Variants in MEGF11 observed in about 807,000 individuals in gnomAD.
MEGF11 encodes multiple epidermal growth factor-like domains protein 11.
MEGF11 carries 126 observed loss-of-function variants against 146.6 expected under a neutral mutation model. That is an observed-to-expected ratio of 0.86 (90% CI 0.74 to 1.00). The LOEUF (loss-of-function observed/expected upper bound fraction) is 1.00, where lower values mean the gene tolerates loss of function less well. Among genes scored for constraint, MEGF11 ranks in the 50% least tolerant of loss-of-function variants. MEGF11 has a pLI of 0.00. For synonymous variants in MEGF11, 532 were observed against 583.4 expected, an observed-to-expected ratio of 0.91 and a Z score of 1.27; for missense variants, 1,509 against 1,521.2, an observed-to-expected ratio of 0.99 and a Z score of 0.13.
chr15:66,020,615 G>C (rs888306032), intron 5 of MEGF11, among the ~76,000 whole-genome samples: 9 of 152,320 alleles, frequency 5.9e-5, no homozygotes, highest in African/African-American at 1.9e-4. Context: ...ATGTCTGGGG[G>C]AAAGACTGGC....
Position 65,908,201 on chromosome 15 carries a change from G to C in MEGF11, c.2998+833C>G, listed in dbSNP as rs557884377. Reference sequence around the variant, plus strand: ...TGAATTCAGAACATTCACCCTTCCTGGTATTACTGGACCCAGGGACCTGCA... The same window carrying C: ...TGAATTCAGAACATTCACCCTTCCTCGTATTACTGGACCCAGGGACCTGCA... On this transcript the variant is annotated intron_variant, in intron 23 of 25. Transcript: ENST00000395614. Among the ~76,000 whole-genome samples the C allele has an allele frequency of 2.6e-5, 4 of 152,254 alleles. No homozygotes were observed. The East Asian group carries it at 7.7e-4, about 29-fold the overall frequency.
Position 66,141,287 on chromosome 15 carries a change from T to TGA in MEGF11, c.-8-12877_-8-12876insTC, listed in dbSNP as rs1339943663. Among the ~76,000 whole-genome samples, 538 of 98,832 alleles carry TGA rather than the reference T, an allele frequency of 5.4e-3. 3 individuals carry two copies. Among genetic ancestry groups the TGA allele is most frequent in the Middle Eastern group, 0.01 (2 of 194 alleles). 64.8% of individuals were successfully genotyped at this position (98,832 alleles called of 152,430 possible). On this transcript the variant is annotated intron_variant, in intron 1 of 25. Coordinates refer to ENST00000395614, the MANE Select transcript of MEGF11 (RefSeq NM_001385028.1). ...GTGTGTGTGTGTGTGTGTGTGTGTG[T>TGA]GTGAGAGAGAGAGAGAGAGAGACAG...
intron 5 of MEGF11, among the ~76,000 whole-genome samples, chr15:66,057,311 G>T (rs1395650203): frequency 6.6e-6 from 1 of 152,190 alleles, no homozygotes; most frequent in Non-Finnish European, 1.5e-5. Flanking sequence ...CGCTTGAAGG[G>T]CAGAGGGCAG....
At chr15:65,972,575 G>C (rs1466601795) in intron 7 of MEGF11, among the ~76,000 whole-genome samples, 1 of 151,884 alleles carries the variant, frequency 6.6e-6, no homozygotes, top group Non-Finnish European at 1.5e-5. Flanking sequence ...AATACAAAGA[G>C]GAAAACAAAC....
intron 1 of MEGF11, among the ~76,000 whole-genome samples, chr15:66,222,622 T>C (rs2091765022): frequency 6.6e-6 from 1 of 152,230 alleles, no homozygotes; most frequent in Non-Finnish European, 1.5e-5. Context: ...TGTAGTAGGC[T>C]GGCTCATTCG....
chr15:66,140,660 T>G (rs1187442324), intron 1 of MEGF11, among the ~76,000 whole-genome samples: 1 of 152,182 alleles, frequency 6.6e-6, no homozygotes, highest in Non-Finnish European at 1.5e-5. Flanking sequence ...GCCAGAAGCT[T>G]GCTAAGCCAT....
intron 1 of MEGF11, among the ~76,000 whole-genome samples, chr15:66,158,794 C>G (rs928437014): frequency 6.6e-6 from 1 of 152,208 alleles, no homozygotes; most frequent in East Asian, 1.9e-4. Flanking sequence ...GAAGCCTCCC[C>G]CTTCCAAGGC....
intron 1 of MEGF11, among the ~76,000 whole-genome samples, chr15:66,190,535 C>T (rs1254142382): frequency 6.6e-6 from 1 of 152,144 alleles, no homozygotes; most frequent in Non-Finnish European, 1.5e-5. Context: ...TGAGGCTAAA[C>T]CAAGCAAGGT....
At chr15:65,933,553 C>T (rs1273012764) in intron 10 of MEGF11, among the ~76,000 whole-genome samples, 1 of 152,212 alleles carries the variant, frequency 6.6e-6, no homozygotes, top group Admixed American at 6.5e-5. Flanking sequence ...CAGTTTCCTC[C>T]CAGAGAAGCC....
chr15:66,156,279 A>G (rs2089755647), intron 1 of MEGF11, among the ~76,000 whole-genome samples: 1 of 151,882 alleles, frequency 6.6e-6, no homozygotes, highest in Admixed American at 6.6e-5. Context: ...TGGTTCTGAT[A>G]GCTCCCACCA....
chr15:65,924,296 C>G (rs2079282937), intron 13 of MEGF11, among the ~76,000 whole-genome samples: 1 of 141,732 alleles, frequency 7.1e-6, no homozygotes, highest in South Asian at 2.2e-4. Context: ...CCTGTAATGT[C>G]TCAGTTTTGC....
In MEGF11 at chr15:66,064,317, C is replaced by T. The variant is rs548873572; in HGVS notation, c.394+30085G>A. 4.6e-5 allele frequency among the ~76,000 whole-genome samples: 7 copies of T among 151,936 alleles called. No individual in the cohort carries two copies. The South Asian group carries it at 8.3e-4, about 18-fold the overall frequency. ...CCAGGAGGTGGAGGTTACAGTGAGC[C>T]GAGATTGCACCACTGCACTCCAGCC... is the stretch of plus-strand genomic sequence containing the variant. On this transcript the variant is annotated intron_variant, in intron 5 of 25. Transcript: ENST00000395614.
intron 10 of MEGF11, among the ~76,000 whole-genome samples, chr15:65,939,940 T>C (rs1823251573): frequency 1.3e-5 from 2 of 152,188 alleles, no homozygotes; most frequent in Admixed American, 6.5e-5. Context: ...AGGATAAGGA[T>C]TGAGTCATTT....
At chr15:66,034,544 T>C (rs1156692293) in intron 5 of MEGF11, among the ~76,000 whole-genome samples, 1 of 151,984 alleles carries the variant, frequency 6.6e-6, no homozygotes, top group African/African-American at 2.4e-5. Flanking sequence ...CTCAGCCTCC[T>C]GAGTAGCTGG....
At chr15:66,002,840 C>T (rs2082405326) in intron 5 of MEGF11, among the ~76,000 whole-genome samples, 1 of 152,080 alleles carries the variant, frequency 6.6e-6, no homozygotes, top group South Asian at 2.1e-4. Flanking sequence ...ACTGCAGAAC[C>T]TGAGCAATCA....
chr15:65,944,896 AG>A (rs1234548292), intron 10 of MEGF11, among the ~76,000 whole-genome samples: 1 of 144,732 alleles, frequency 6.9e-6, no homozygotes, highest in Non-Finnish European at 1.5e-5. Context: ...ATAAACTCTC[AG>A]GTTTTTTTTT....
chr15:66,178,880 CTG>C (rs2090464324), intron 1 of MEGF11, among the ~76,000 whole-genome samples: 1 of 152,162 alleles, frequency 6.6e-6, no homozygotes, highest in Admixed American at 6.5e-5. Flanking sequence ...ACTCCAAACT[CTG>C]AGAGTTGTTT....
intron 4 of MEGF11, 37 bp downstream of exon 4, chr15:66,119,048 TC>T (rs2087877737): frequency 2.1e-6 from 3 of 1,407,782 alleles, no homozygotes; most frequent in African/African-American, 2.9e-5. Context: ...TCTCCTCCCT[TC>T]CCCACTGAGG....
At chr15:66,158,623 G>A (rs1363041570) in intron 1 of MEGF11, among the ~76,000 whole-genome samples, 1 of 152,242 alleles carries the variant, frequency 6.6e-6, no homozygotes, top group African/African-American at 2.4e-5. Context: ...CCCACTGATG[G>A]GAATCTCCAA....
Sources: allele counts gnomAD v4.1 joint callset (sites outside exome capture counted in the v4.1 genomes callset), GRCh38; gene constraint gnomAD v4.1.1; transcripts MANE v1.5; gene names NCBI Gene and HGNC (gene_info 2026-07-23, HGNC 2026-07-21).